The following JAK2 variants were observed in gnomAD, a reference collection of about 807,000 sequenced individuals.
The protein encoded by JAK2 is tyrosine-protein kinase JAK2.
JAK2 carries 86 observed loss-of-function variants against 139.3 expected under a neutral mutation model. That is an observed-to-expected ratio of 0.62 (90% CI 0.52 to 0.74). The LOEUF is 0.74. Ranked by LOEUF, JAK2 falls within the 30% of genes least tolerant of loss-of-function variation. JAK2 has a pLI of 0.00. For synonymous variants in JAK2, 490 were observed against 437.7 expected, an observed-to-expected ratio of 1.12 and a Z score of -1.49; for missense variants, 1,421 against 1,360.3, an observed-to-expected ratio of 1.04 and a Z score of -0.70.
At position 5,090,846 on chromosome 9, in the gene JAK2, C is replaced by T. The variant is rs749087244; in HGVS notation, c.2994C>T (p.Thr998=). The T allele has an allele frequency of 6.2e-7, 1 of 1,613,030 alleles. No homozygotes were observed. Among genetic ancestry groups the T allele is most frequent in the Non-Finnish European group, 8.5e-7 (1 of 1,179,408 alleles). ...NRVKIGDFGL[T]KVLPQDKEYY... ...TTAAAATTGGAGATTTTGGGTTAAC[C>T]AAAGTCTTGCCACAAGACAAAGAAT... The change falls in exon 22 of 25, where the codon ACC becomes ACT. Residue 998 remains threonine, a synonymous_variant. Coordinates refer to ENST00000381652, the MANE Select transcript of JAK2 (RefSeq NM_004972.4).
intron 2 of JAK2, among the ~76,000 whole-genome samples, chr9:5,001,876 T>G (rs1036577559): frequency 2.0e-5 from 3 of 152,024 alleles, no homozygotes; most frequent in Non-Finnish European, 1.5e-5. Context: ...ATTCAAGGTT[T>G]CTGTTTCTTC....
intron 14 of JAK2, among the ~76,000 whole-genome samples, chr9:5,076,087 G>T (rs754802454): frequency 1.3e-5 from 2 of 152,172 alleles, no homozygotes; most frequent in East Asian, 1.9e-4. Context: ...ACAATCTCAC[G>T]ATAAGCCCTG....
intron 4 of JAK2, among the ~76,000 whole-genome samples, chr9:5,035,398 C>T (rs1224212617): frequency 6.6e-6 from 1 of 152,170 alleles, no homozygotes. Context: ...CCAGCATCAT[C>T]CTGATACCAA....
chr9:5,068,177 A>C (rs10974943), intron 10 of JAK2, among the ~76,000 whole-genome samples: 1,680 of 71,142 alleles, frequency 0.024, 16 homozygotes, highest in East Asian at 0.059. Context: ...ACAACAACAA[A>C]AAAAAAAAAA....
At chr9:5,078,794 T>C (rs1374451992) in intron 16 of JAK2, among the ~76,000 whole-genome samples, 1 of 152,184 alleles carries the variant, frequency 6.6e-6, no homozygotes, top group Non-Finnish European at 1.5e-5. Flanking sequence ...AATAAAAATT[T>C]AGCCTGAGAT....
chr9:5,081,411 C>T (rs1408268370), intron 18 of JAK2, among the ~76,000 whole-genome samples: 1 of 152,006 alleles, frequency 6.6e-6, no homozygotes, highest in East Asian at 1.9e-4. Context: ...TGTGTTTGAC[C>T]TATAGGTGCT....
chr9:5,033,807 C>T (rs12004723), intron 4 of JAK2, among the ~76,000 whole-genome samples: 13,733 of 152,100 alleles, frequency 0.09, 1,859 homozygotes, highest in African/African-American at 0.3. Flanking sequence ...TAAAGACCAT[C>T]GAGGCTAGGA....
At chr9:5,038,596 ATTT>A (rs58788809) in intron 4 of JAK2, among the ~76,000 whole-genome samples, 40,177 of 146,450 alleles carry the variant, frequency 0.27, 5,538 homozygotes, top group African/African-American at 0.33. Context: ...TGGATTTTAG[ATTT>A]TTTTTTTTTT....
In JAK2 at chr9:5,050,801, A is replaced by T; in HGVS notation, c.584A>T (p.Gln195Leu). Residue 195 changes from glutamine to leucine, a missense_variant, in exon 6 of 25, where the codon CAA becomes CTA. Transcript: ENST00000381652. ...DMMRIAKEND[Q>L]TPLAIYNSIS... ...ATGAGAATAGCCAAAGAAAACGATC[A>T]AACCCCACTGGCCATCTATAACTCT... The T allele has an allele frequency of 2.5e-6, 4 of 1,613,778 alleles. No individual in the cohort carries two copies. The highest frequency in any genetic ancestry group is 3.4e-6 in the Non-Finnish European group (4 of 1,179,746).
At position 5,011,803 on chromosome 9, in the gene JAK2, A is replaced by G. The variant is rs547974479; in HGVS notation, c.-25-10160A>G. Among the ~76,000 whole-genome samples the G allele has an allele frequency of 5.3e-4, 80 of 152,242 alleles. 1 individual carries two copies. Among genetic ancestry groups the G allele is most frequent in the African/African-American group, 1.8e-3 (76 of 41,534 alleles). ...TTAAATTTACTAGCAGACCAACTTG[A>G]TCCTGCGGAGGCTTGGTTTTAGGCT... On this transcript the variant is annotated intron_variant, in intron 2 of 24. Coordinates refer to ENST00000381652, the MANE Select transcript of JAK2 (RefSeq NM_004972.4).
At chr9:5,062,501 A>T (rs951313695) in intron 8 of JAK2, among the ~76,000 whole-genome samples, 130 of 42,412 alleles carry the variant, frequency 3.1e-3, no homozygotes, top group Non-Finnish European at 6.3e-3. Flanking sequence ...TTCCATTTGT[A>T]AAAAAAAAAA....
intron 6 of JAK2, among the ~76,000 whole-genome samples, chr9:5,051,653 G>T (rs1471188978): frequency 6.6e-6 from 1 of 152,064 alleles, no homozygotes; most frequent in Non-Finnish European, 1.5e-5. Context: ...TATAAGAATG[G>T]TTTAAGTTTG....
At chr9:5,029,464 C>G (rs373576673) in intron 3 of JAK2, among the ~76,000 whole-genome samples, 1 of 152,104 alleles carries the variant, frequency 6.6e-6, no homozygotes, top group Non-Finnish European at 1.5e-5. Context: ...AAAGTGAGCA[C>G]GTGCTGTTGG....
At chr9:5,076,719 T>C (rs1284046804) in intron 14 of JAK2, among the ~76,000 whole-genome samples, 3 of 152,140 alleles carry the variant, frequency 2.0e-5, no homozygotes, top group African/African-American at 7.2e-5. Flanking sequence ...AAGAAAATTG[T>C]TTATATAATT....
intron 15 of JAK2, 34 bp from the exon 16 acceptor site, chr9:5,078,272 G>A (rs1191636657): frequency 6.3e-7 from 1 of 1,585,520 alleles, no homozygotes; most frequent in African/African-American, 1.4e-5. Context: ...CTTGTGGACT[G>A]ATATTTGAAT....
At chr9:5,088,341 A>G (rs1563991966) in intron 19 of JAK2, among the ~76,000 whole-genome samples, 1 of 152,224 alleles carries the variant, frequency 6.6e-6, no homozygotes, top group Non-Finnish European at 1.5e-5. Flanking sequence ...CTTCAAGTAT[A>G]TAACTGAAAA....
At chr9:5,032,831 G>C (rs575187518) in intron 4 of JAK2, among the ~76,000 whole-genome samples, 2 of 152,312 alleles carry the variant, frequency 1.3e-5, no homozygotes, top group South Asian at 2.1e-4. Context: ...CTCTAAAAAT[G>C]AGAGCACCTC....
At chr9:5,000,526 G>C (rs184739719) in intron 2 of JAK2, among the ~76,000 whole-genome samples, 8 of 150,736 alleles carry the variant, frequency 5.3e-5, no homozygotes, top group Non-Finnish European at 1.2e-4. Context: ...TTGTGTAGAT[G>C]GTTTTCTAGT....
At chr9:5,015,710 T>C (rs924215355) in intron 2 of JAK2, among the ~76,000 whole-genome samples, 21 of 152,136 alleles carry the variant, frequency 1.4e-4, no homozygotes, top group Admixed American at 3.9e-4. Flanking sequence ...GAGTCACTTA[T>C]TCTTTTGATT....
Sources: allele counts gnomAD v4.1 joint callset (sites outside exome capture counted in the v4.1 genomes callset), GRCh38; gene constraint gnomAD v4.1.1; transcripts MANE v1.5; gene names NCBI Gene and HGNC (gene_info 2026-07-23, HGNC 2026-07-21).